The following ARID1B variants were observed in gnomAD, a reference collection of about 807,000 sequenced individuals.
ARID1B encodes the protein AT-rich interactive domain-containing protein 1B.
Under a neutral mutation model 212.3 loss-of-function variants are expected in ARID1B, and 30 were observed. The observed-to-expected ratio is 0.14, with a 90% CI of 0.11 to 0.19. The LOEUF is 0.19. ARID1B is among the 10% of genes least tolerant of loss of function. The pLI is 1.00. For missense variants in ARID1B, 2,891 were observed against 3,204.0 expected (o/e 0.90, Z 2.36); for synonymous variants, 1,402 against 1,301.7 (o/e 1.08, Z -1.66).
chr6:157,172,694 C>A (rs1791800435), intron 9 of ARID1B: 2 of 152,176 alleles, frequency 1.3e-5, no homozygotes, highest in African/African-American at 4.8e-5. Context: ...AGAGCCTGCT[C>A]ACTCTCTCAC....
At chr6:157,007,533 C>T (rs192616135) in intron 4 of ARID1B, among the ~76,000 whole-genome samples, 3 of 152,248 alleles carry the variant, frequency 2.0e-5, no homozygotes, top group Admixed American at 2.0e-4. Context: ...TACAGATTTG[C>T]ACGTGCACAC....
At chr6:157,087,785 G>C in intron 5 of ARID1B, among the ~76,000 whole-genome samples, 1 of 145,220 alleles carries the variant, frequency 6.9e-6, no homozygotes, top group East Asian at 2.1e-4. Flanking sequence ...TCACAGAGTT[G>C]AGCTCAGTTT....
intron 2 of ARID1B, among the ~76,000 whole-genome samples, chr6:156,893,128 C>T (rs35665334): frequency 0.12 from 17,119 of 145,724 alleles, 1,174 homozygotes; most frequent in East Asian, 0.3. Flanking sequence ...CTGCAGCCTC[C>T]GCCTCCTGGG....
rs1363286066 is a variant in ARID1B at position 157,020,331 on chromosome 6, A to AG, written c.2248-64331_2248-64330insG. On this transcript the variant is annotated intron_variant, in intron 4 of 19. Transcript: ENST00000636930. ...TCATTTACCCCCATACAAGTTGAGC[A>AG]CTCTGTAAGGGATGTAATTTAAACA... Among the ~76,000 whole-genome samples, 5 of 152,318 alleles carry AG rather than the reference A, an allele frequency of 3.3e-5. No homozygotes were observed. In the East Asian group the frequency reaches 5.8e-4, roughly 18 times the overall value.
intron 7 of ARID1B, among the ~76,000 whole-genome samples, chr6:157,133,760 GT>G (rs745635220): frequency 2.9e-4 from 44 of 152,166 alleles, no homozygotes; most frequent in Non-Finnish European, 5.0e-4. Flanking sequence ...ATGGTTACAT[GT>G]CTTTCACAAG....
chr6:157,078,838 A>T (rs1334724030), intron 4 of ARID1B, among the ~76,000 whole-genome samples: 1 of 152,224 alleles, frequency 6.6e-6, no homozygotes, highest in Non-Finnish European at 1.5e-5. Context: ...CCTTAAAATG[A>T]GAGTTACCCA....
At chr6:157,086,723 C>G (rs1784991761) in intron 5 of ARID1B, among the ~76,000 whole-genome samples, 1 of 152,176 alleles carries the variant, frequency 6.6e-6, no homozygotes, top group African/African-American at 2.4e-5. Context: ...AACAGAAAAG[C>G]TCACTTCGGG....
chr6:157,171,783 C>G (rs993064428), intron 9 of ARID1B, among the ~76,000 whole-genome samples: 6 of 152,282 alleles, frequency 3.9e-5, no homozygotes, highest in African/African-American at 1.2e-4. Context: ...TGTTTATATT[C>G]ATGTAAGTCT....
At chr6:157,154,570 T>G (rs913752152) in intron 8 of ARID1B, among the ~76,000 whole-genome samples, 5 of 146,476 alleles carry the variant, frequency 3.4e-5, no homozygotes, top group African/African-American at 1.3e-4. Flanking sequence ...GCTCTTCTGT[T>G]TTTTTTTTTG....
chr6:156,779,969 C>T (rs1337764451), intron 1 of ARID1B, among the ~76,000 whole-genome samples: 1 of 152,194 alleles, frequency 6.6e-6, no homozygotes, highest in African/African-American at 2.4e-5. Context: ...TCCCTCTTGG[C>T]TTCCGAGGTC....
chr6:156,784,910 C>G (rs539784134), intron 1 of ARID1B, among the ~76,000 whole-genome samples: 57 of 152,166 alleles, frequency 3.7e-4, no homozygotes, highest in Non-Finnish European at 6.6e-4. Flanking sequence ...CAGGTGCACG[C>G]CATCACACCT....
chr6:156,888,001 G>T (rs1295259623), intron 2 of ARID1B, among the ~76,000 whole-genome samples: 2 of 152,190 alleles, frequency 1.3e-5, no homozygotes, highest in African/African-American at 4.8e-5. Flanking sequence ...CCTATTTTCT[G>T]TACCCTGTCC....
intron 11 of ARID1B, 51 bp from the exon 12 acceptor site, chr6:157,180,918 C>T (rs2128316260): frequency 1.3e-6 from 2 of 1,522,956 alleles, no homozygotes; most frequent in East Asian, 2.3e-5. Context: ...CTTCTTCCCT[C>T]TCCCTCTGCC....
chr6:157,163,897 A>C (rs562896760), intron 8 of ARID1B, among the ~76,000 whole-genome samples: 1 of 152,342 alleles, frequency 6.6e-6, no homozygotes, highest in African/African-American at 2.4e-5. Context: ...AGTATACCGC[A>C]CTGATAGTAG....
chr6:156,935,567 A>G lies in ARID1B; in HGVS notation c.2238A>G (p.Ser746=). 1 of 1,608,070 alleles carries G rather than the reference A, an allele frequency of 6.2e-7. No homozygotes were observed. The highest frequency in any genetic ancestry group is 1.7e-5 in the Admixed American group (1 of 60,006). The change falls in exon 4 of 20, where the codon TCA becomes TCG. Residue 746 remains serine, a synonymous_variant. Coordinates refer to ENST00000636930, the MANE Select transcript of ARID1B (RefSeq NM_001374828.1). ...DLNLIQQERP[S]SLPDLSGSID... ...ACTTAATACAGCAAGAAAGACCATCAAGTTTACCAGTAAGACATTATTGTG... is the reference window on the plus strand; with the variant it reads ...ACTTAATACAGCAAGAAAGACCATCGAGTTTACCAGTAAGACATTATTGTG...
chr6:156,991,806 A>T (rs572530967), intron 4 of ARID1B, among the ~76,000 whole-genome samples: 1 of 152,174 alleles, frequency 6.6e-6, no homozygotes, highest in African/African-American at 2.4e-5. Context: ...CAAAAGTTCT[A>T]TTGAAATGAG....
At chr6:156,788,128 G>GC (rs1562385949) in intron 1 of ARID1B, among the ~76,000 whole-genome samples, 1 of 152,064 alleles carries the variant, frequency 6.6e-6, no homozygotes, top group Non-Finnish European at 1.5e-5. Context: ...GTGATGCTCA[G>GC]CCCCTCCCAG....
intron 4 of ARID1B, among the ~76,000 whole-genome samples, chr6:157,039,616 A>ACCTT (rs1368853614): frequency 0.014 from 1,708 of 122,850 alleles, 32 homozygotes; most frequent in Non-Finnish European, 0.016. Flanking sequence ...AAAGCTACCT[A>ACCTT]CCTTCCTTCC....
At chr6:157,042,474 A>T (rs1304804185) in intron 4 of ARID1B, among the ~76,000 whole-genome samples, 1 of 152,108 alleles carries the variant, frequency 6.6e-6, no homozygotes, top group Admixed American at 6.5e-5. Context: ...TCTGAATTTT[A>T]TGACTCTTTT....
Sources: gnomAD v4.1 joint callset for allele counts (sites outside exome capture counted in the v4.1 genomes callset) on GRCh38, gnomAD v4.1.1 for gene constraint, MANE v1.5 for transcripts, NCBI Gene and HGNC (gene_info 2026-07-23, HGNC 2026-07-21) for gene names.